The following ZNF75D variants were observed in gnomAD, a reference collection of about 807,000 sequenced individuals.
ZNF75D encodes zinc finger protein 75D.
A neutral mutation model predicts 33.3 loss-of-function variants in ZNF75D; 33 were observed. That is an observed-to-expected ratio of 0.99 (90% confidence interval 0.75 to 1.32). ZNF75D has a LOEUF of 1.32. Among genes scored for constraint, ZNF75D ranks in the 40% most tolerant of loss-of-function variants. The pLI is 0.00. For missense variants in ZNF75D, 338 were observed against 367.5 expected, an observed-to-expected ratio of 0.92 and a Z score of 0.66; for synonymous variants, 113 against 130.6, an observed-to-expected ratio of 0.87 and a Z score of 0.92.
chrX:135,270,064 T>G (rs1602586576), intron 1 of ZNF75D, among the ~76,000 whole-genome samples: 1 of 108,744 alleles, frequency 9.2e-6, no homozygotes, highest in Non-Finnish European at 1.9e-5. Flanking sequence ...CTCATGGATA[T>G]AGAGAATAGA....
downstream of ZNF75D, among the ~76,000 whole-genome samples, chrX:135,281,988 C>T (rs1031962701): frequency 1.8e-5 from 2 of 112,497 alleles, no homozygotes; most frequent in African/African-American, 3.2e-5. Flanking sequence ...CTTGAGGAGG[C>T]AGTCTGTCCC....
At chrX:135,325,835 T>C (rs1468022388) in intron 1 of ZNF75D, among the ~76,000 whole-genome samples, 1 of 111,962 alleles carries the variant, frequency 8.9e-6, no homozygotes, top group Non-Finnish European at 1.9e-5. Flanking sequence ...GGCTGAGGAG[T>C]GCGAGCGCAT....
downstream of ZNF75D, among the ~76,000 whole-genome samples, chrX:135,285,273 G>A (rs1414671625): frequency 8.9e-6 from 1 of 111,766 alleles, no homozygotes; most frequent in Non-Finnish European, 1.9e-5. Context: ...TCCACCCCTA[G>A]CCATCACCTC....
Position 135,287,885 on chromosome X carries a change from A to C in ZNF75D, c.824-39T>G, listed in dbSNP as rs782163325. 7 of 1,012,491 alleles carry C rather than the reference A, an allele frequency of 6.9e-6. No homozygotes were observed. In the Admixed American group the frequency reaches 1.9e-4, roughly 28 times the overall value. 83.4% of individuals were successfully genotyped at this position (1,012,491 alleles called of 1,213,427 possible). ...CAGAATAATCAGCCATCTGTGTCCC[A>C]GTGAAAGAAAGCTACATAAATGGAG... is the stretch of plus-strand genomic sequence containing the variant. On this transcript the variant is annotated intron_variant, in intron 6 of 6. Transcript: ENST00000370766.
intron 1 of ZNF75D, among the ~76,000 whole-genome samples, chrX:135,276,451 C>A (rs2148463495): frequency 8.9e-6 from 1 of 111,788 alleles, no homozygotes; most frequent in East Asian, 2.8e-4. Flanking sequence ...AACAAATACC[C>A]AGTAGTGGGA....
At chrX:135,264,824 T>C (rs1231300431) in intron 1 of ZNF75D, among the ~76,000 whole-genome samples, 1 of 110,992 alleles carries the variant, frequency 9.0e-6, no homozygotes, top group Non-Finnish European at 1.9e-5. Flanking sequence ...AGACAGGATG[T>C]TTGAAAATAC....
intron 2 of ZNF75D, 27 bp downstream of exon 2, chrX:135,295,736 GAATCT>G (rs1291015786): frequency 8.9e-6 from 1 of 112,091 alleles, no homozygotes; most frequent in East Asian, 2.8e-4. Flanking sequence ...TCGCTAAAAC[GAATCT>G]AAAGAGAAAA....
At chrX:135,263,884 C>G (rs1211511968) in intron 1 of ZNF75D, among the ~76,000 whole-genome samples, 6 of 112,179 alleles carry the variant, frequency 5.3e-5, no homozygotes, top group African/African-American at 1.3e-4. Flanking sequence ...GTAGAAATCA[C>G]GCATCTTCTG....
intron 1 of ZNF75D, among the ~76,000 whole-genome samples, chrX:135,278,524 G>A (rs1019751871): frequency 8.9e-5 from 10 of 111,817 alleles, no homozygotes; most frequent in Non-Finnish European, 1.9e-4. Flanking sequence ...CCAATACTAT[G>A]TTGAATAGGA....
intron 1 of ZNF75D, among the ~76,000 whole-genome samples, chrX:135,305,635 C>T (rs12689506): frequency 0.25 from 27,793 of 110,251 alleles, 2,815 homozygotes; most frequent in South Asian, 0.43. Context: ...GGGAGACAAA[C>T]CAAGACCTCT....
At chrX:135,287,967 C>G in intron 6 of ZNF75D, 121 bp from the exon 7 acceptor site, 1 of 578,064 alleles carries the variant, frequency 1.7e-6, no homozygotes, top group Non-Finnish European at 2.7e-6. Context: ...ATTTCTGGTC[C>G]AGTCTGGACA....
intron 1 of ZNF75D, among the ~76,000 whole-genome samples, chrX:135,272,854 A>G (rs1347407743): frequency 8.9e-6 from 1 of 111,836 alleles, no homozygotes. Flanking sequence ...TCATTTATGT[A>G]GGGTGTATAC....
intron 1 of ZNF75D, among the ~76,000 whole-genome samples, chrX:135,323,734 C>T (rs1419262885): frequency 9.0e-6 from 1 of 111,523 alleles, no homozygotes; most frequent in Non-Finnish European, 1.9e-5. Context: ...TGACCCCAAT[C>T]CCATAATTCT....
intron 1 of ZNF75D, among the ~76,000 whole-genome samples, chrX:135,318,791 C>T (rs1569493687): frequency 2.7e-5 from 3 of 111,299 alleles, no homozygotes. Flanking sequence ...ACTGATGTGG[C>T]GTGGTATTTA....
chrX:135,321,092 G>A (rs2084489937), intron 1 of ZNF75D, among the ~76,000 whole-genome samples: 1 of 112,025 alleles, frequency 8.9e-6, no homozygotes, highest in South Asian at 3.7e-4. Flanking sequence ...CCTTCTTGCT[G>A]CATCCTCACA....
intron 1 of ZNF75D, among the ~76,000 whole-genome samples, chrX:135,339,182 T>C (rs1556443730): frequency 9.0e-6 from 1 of 111,451 alleles, no homozygotes. Context: ...TTTTCCCCTC[T>C]ATCTTCAACA....
At chrX:135,310,818 T>C (rs781894776) in intron 1 of ZNF75D, among the ~76,000 whole-genome samples, 5 of 111,731 alleles carry the variant, frequency 4.5e-5, no homozygotes, top group East Asian at 5.6e-4. Flanking sequence ...CCTGTCAACT[T>C]TGCTTTCCCT....
At chrX:135,332,426 G>C (rs1047899727) in intron 1 of ZNF75D, among the ~76,000 whole-genome samples, 1 of 110,276 alleles carries the variant, frequency 9.1e-6, no homozygotes, top group East Asian at 2.9e-4. Flanking sequence ...CTCATGAATA[G>C]GATTAGTGCC....
At position 135,328,795 on chromosome X, in the gene ZNF75D, T is replaced by C. The variant is rs142258455; in HGVS notation, c.-391+12973A>G. Among the ~76,000 whole-genome samples the C allele has an allele frequency of 2.2e-3, 252 of 112,232 alleles. 1 individual carries two copies. Among genetic ancestry groups the C allele is most frequent in the African/African-American group, 7.9e-3 (244 of 30,843 alleles). ...GTCTGTTCTCTTTCCTTGAACTCCA[T>C]TGACAGGTTCATTGTCTATGTTTTT... On this transcript the variant is annotated intron_variant, in intron 1 of 6. Coordinates refer to ENST00000370766, the MANE Select transcript of ZNF75D (RefSeq NM_007131.5).
Sources: gnomAD v4.1 joint callset for allele counts (sites outside exome capture counted in the v4.1 genomes callset) on GRCh38, gnomAD v4.1.1 for gene constraint, MANE v1.5 for transcripts, NCBI Gene and HGNC (gene_info 2026-07-23, HGNC 2026-07-21) for gene names.